The following MALRD1 variants were observed in gnomAD, a reference collection of about 807,000 sequenced individuals.
MALRD1 encodes MAM and LDL receptor class A domain containing 1.
A neutral mutation model predicts 242.1 loss-of-function variants in MALRD1; 247 were observed. The ratio of observed to expected loss-of-function variants is 1.02; its 90% confidence interval spans 0.92 to 1.13. MALRD1 has a LOEUF of 1.13. Among genes scored for constraint, MALRD1 ranks in the 50% most tolerant of loss-of-function variants. MALRD1 has a pLI of 0.00. For missense variants in MALRD1, 2,989 were observed against 2,533.1 expected (o/e 1.18, Z -3.86); for synonymous variants, 995 against 866.6 (o/e 1.15, Z -2.60).
At position 19,171,021 on chromosome 10, in the gene MALRD1, C is replaced by T. The variant is rs185933301; in HGVS notation, c.1831-4187C>T. ...TGGATTCATATTCATTTTTTGCTCC[C>T]GTTATTTTTTTTGAAAACAAGATTT... On this transcript the variant is annotated intron_variant, in intron 13 of 39. Coordinates refer to ENST00000454679, the MANE Select transcript of MALRD1 (RefSeq NM_001142308.3). Among the ~76,000 whole-genome samples, 68 of 151,968 alleles carry T rather than the reference C, an allele frequency of 4.5e-4. 1 individual carries two copies. In the South Asian group the frequency reaches 0.011, roughly 26 times the overall value.
intron 28 of MALRD1, among the ~76,000 whole-genome samples, chr10:19,436,233 G>A (rs1353836014): frequency 6.6e-6 from 1 of 152,144 alleles, no homozygotes; most frequent in African/African-American, 2.4e-5. Flanking sequence ...GTTGCTTGCT[G>A]GGCTTCTCAG....
At chr10:19,505,376 G>C (rs1165477021) in intron 31 of MALRD1, among the ~76,000 whole-genome samples, 2 of 152,126 alleles carry the variant, frequency 1.3e-5, no homozygotes, top group Non-Finnish European at 2.9e-5. Flanking sequence ...AAGAGTCTTA[G>C]TTCAATAGGA....
At chr10:19,615,179 A>G (rs1839086662) in intron 35 of MALRD1, among the ~76,000 whole-genome samples, 1 of 152,038 alleles carries the variant, frequency 6.6e-6, no homozygotes, top group Admixed American at 6.6e-5. Flanking sequence ...ATCTATATAC[A>G]TATAACTTTG....
At chr10:19,719,175 C>CATAT (rs1181720186) in intron 38 of MALRD1, among the ~76,000 whole-genome samples, 1 of 32,206 alleles carries the variant, frequency 3.1e-5, no homozygotes, top group African/African-American at 1.1e-4. Flanking sequence ...TATATACATA[C>CATAT]ATATATATAT....
intron 11 of MALRD1, among the ~76,000 whole-genome samples, chr10:19,151,880 T>C (rs543510386): frequency 6.6e-6 from 1 of 152,320 alleles, no homozygotes; most frequent in East Asian, 1.9e-4. Flanking sequence ...TAATTTTATT[T>C]ATTATTCATT....
intron 10 of MALRD1, among the ~76,000 whole-genome samples, chr10:19,141,575 TTA>T (rs981922513): frequency 8.6e-5 from 13 of 151,956 alleles, no homozygotes; most frequent in African/African-American, 3.1e-4. Context: ...ACATTTGTAT[TTA>T]TATATACAAT....
At chr10:19,565,575 G>A (rs1264024976) in intron 32 of MALRD1, among the ~76,000 whole-genome samples, 4 of 152,070 alleles carry the variant, frequency 2.6e-5, no homozygotes, top group Non-Finnish European at 5.9e-5. Flanking sequence ...AGTTGAATTA[G>A]AAACTTCACA....
intron 33 of MALRD1, among the ~76,000 whole-genome samples, chr10:19,580,870 A>G (rs1837085357): frequency 6.6e-6 from 1 of 152,012 alleles, no homozygotes; most frequent in Non-Finnish European, 1.5e-5. Context: ...CTGATTCCTT[A>G]TACTACACAC....
chr10:19,552,766 C>T (rs1451300427), intron 32 of MALRD1, among the ~76,000 whole-genome samples: 3 of 151,934 alleles, frequency 2.0e-5, no homozygotes, highest in African/African-American at 7.3e-5. Context: ...TTTTGCAAAG[C>T]ATTAGTAGTT....
chr10:19,721,575 CA>C (rs1271674602), intron 38 of MALRD1: 2 of 152,070 alleles, frequency 1.3e-5, no homozygotes, highest in African/African-American at 4.8e-5. Context: ...ACATACTTCA[CA>C]ACCTGAAAAT....
intron 21 of MALRD1, among the ~76,000 whole-genome samples, chr10:19,306,396 TCG>T (rs1842204830): frequency 2.0e-5 from 2 of 100,232 alleles, no homozygotes; most frequent in African/African-American, 3.7e-5. Flanking sequence ...ATATATAGTG[TCG>T]TATATGTACC....
chr10:19,148,286 G>A (rs1464393375), intron 11 of MALRD1, among the ~76,000 whole-genome samples: 3 of 152,218 alleles, frequency 2.0e-5, no homozygotes, highest in African/African-American at 4.8e-5. Context: ...TTAGGGAAGA[G>A]CACGGGCTGC....
At chr10:19,443,051 G>A (rs1431437906) in intron 28 of MALRD1, among the ~76,000 whole-genome samples, 8 of 152,210 alleles carry the variant, frequency 5.3e-5, no homozygotes, top group Non-Finnish European at 1.0e-4. Context: ...GTCTGGGAGA[G>A]TGTATGTGTC....
At chr10:19,337,087 A>G (rs1399365636) in intron 24 of MALRD1, among the ~76,000 whole-genome samples, 1 of 152,122 alleles carries the variant, frequency 6.6e-6, no homozygotes, top group African/African-American at 2.4e-5. Context: ...ATTTGTGTAT[A>G]TATTATACAC....
intron 26 of MALRD1, among the ~76,000 whole-genome samples, chr10:19,354,489 T>A (rs530391022): frequency 3.9e-5 from 6 of 152,240 alleles, no homozygotes; most frequent in African/African-American, 1.4e-4. Context: ...AACTGTATTT[T>A]TGTACCCATT....
At chr10:19,349,192 C>G (rs1284938125) in intron 25 of MALRD1, among the ~76,000 whole-genome samples, 1 of 152,132 alleles carries the variant, frequency 6.6e-6, no homozygotes. Context: ...AACTCCTGAC[C>G]TCAGGTGATC....
chr10:19,324,209 A>G, intron 22 of MALRD1, 104 bp downstream of exon 22: 2 of 1,122,698 alleles, frequency 1.8e-6, no homozygotes, highest in Non-Finnish European at 2.5e-6. Context: ...AAAATGGACA[A>G]TTACCAACAC....
intron 24 of MALRD1, among the ~76,000 whole-genome samples, chr10:19,335,183 T>C (rs1392044366): frequency 1.1e-5 from 1 of 94,360 alleles, no homozygotes; most frequent in Non-Finnish European, 2.2e-5. Flanking sequence ...TCTTGTTCTG[T>C]TTTTTTTTGT....
intron 1 of MALRD1, among the ~76,000 whole-genome samples, chr10:19,061,355 G>A (rs558972878): frequency 1.7e-4 from 26 of 152,202 alleles, no homozygotes; most frequent in African/African-American, 5.1e-4. Context: ...CAGTACTACC[G>A]AAAGCAATCT....
Sources: allele counts gnomAD v4.1 joint callset (sites outside exome capture counted in the v4.1 genomes callset), GRCh38; gene constraint gnomAD v4.1.1; transcripts MANE v1.5; gene names NCBI Gene and HGNC (gene_info 2026-07-23, HGNC 2026-07-21).